The following NKAIN3 variants were observed in gnomAD, a reference collection of about 807,000 sequenced individuals.
The protein encoded by NKAIN3 is sodium/potassium-transporting ATPase subunit beta-1-interacting protein 3.
A neutral mutation model predicts 30.2 loss-of-function variants in NKAIN3; 25 were observed. The ratio of observed to expected loss-of-function variants is 0.83; its 90% CI spans 0.60 to 1.16. The LOEUF (loss-of-function observed/expected upper bound fraction) is 1.16. Ranked by LOEUF, NKAIN3 falls within the 50% of genes most tolerant of loss-of-function variation. NKAIN3 has a pLI of 0.00. For synonymous variants in NKAIN3, 91 were observed against 89.6 expected, an observed-to-expected ratio of 1.02 and a Z score of -0.09; for missense variants, 225 against 254.1, an observed-to-expected ratio of 0.89 and a Z score of 0.78.
intron 4 of NKAIN3, among the ~76,000 whole-genome samples, chr8:62,833,841 C>G (rs572834557): frequency 6.6e-6 from 1 of 152,144 alleles, no homozygotes; most frequent in Admixed American, 6.6e-5. Flanking sequence ...CAGCATTACC[C>G]TGATACCAAA....
intron 3 of NKAIN3, among the ~76,000 whole-genome samples, chr8:62,731,689 C>T (rs900756679): frequency 1.3e-5 from 2 of 152,062 alleles, no homozygotes; most frequent in African/African-American, 4.8e-5. Context: ...CCCCCGAAAC[C>T]GCAAAAGCCA....
At position 62,879,321 on chromosome 8, in the gene NKAIN3, T is replaced by G. The variant is rs371091586; in HGVS notation, c.472-39132T>G. Among the ~76,000 whole-genome samples the G allele has an allele frequency of 2.8e-4, 42 of 152,354 alleles. No homozygotes were observed. The East Asian group carries it at 6.5e-3, about 24-fold the overall frequency. ...TGCATAAATGTCTTCTTTTGAGAAGTGTCTGTTCATATCCTTTGCCCAGTT... is the reference window on the plus strand; with the variant it reads ...TGCATAAATGTCTTCTTTTGAGAAGGGTCTGTTCATATCCTTTGCCCAGTT... On this transcript the variant is annotated intron_variant, in intron 4 of 6. Transcript: ENST00000623646.
intron 1 of NKAIN3, among the ~76,000 whole-genome samples, chr8:62,561,514 A>G (rs1809576794): frequency 6.6e-6 from 1 of 152,152 alleles, no homozygotes; most frequent in South Asian, 2.1e-4. Flanking sequence ...TAAAATATTT[A>G]AGCAATGTAG....
chr8:62,487,933 T>TA (rs748554323), intron 1 of NKAIN3, among the ~76,000 whole-genome samples: 1 of 152,326 alleles, frequency 6.6e-6, no homozygotes. Context: ...ATGTTATCAA[T>TA]AAATGTGAGA....
At chr8:62,431,864 G>GA (rs5891856) in intron 1 of NKAIN3, among the ~76,000 whole-genome samples, 44,314 of 133,144 alleles carry the variant, frequency 0.33, 7,433 homozygotes, top group East Asian at 0.64. Flanking sequence ...TTATAAAAAG[G>GA]AAAAAAAAAA....
At chr8:62,951,312 C>A (rs947189273) in intron 5 of NKAIN3, among the ~76,000 whole-genome samples, 15 of 152,138 alleles carry the variant, frequency 9.9e-5, no homozygotes, top group African/African-American at 3.4e-4. Flanking sequence ...ATAATGATAT[C>A]AGTCTTATAT....
intron 4 of NKAIN3, among the ~76,000 whole-genome samples, chr8:62,845,827 C>A (rs748404573): frequency 2.6e-5 from 4 of 152,026 alleles, no homozygotes; most frequent in Non-Finnish European, 4.4e-5. Flanking sequence ...TCTGACCAAT[C>A]CTTTTTGTTC....
chr8:62,960,652 A>T (rs1823545350), intron 6 of NKAIN3, among the ~76,000 whole-genome samples: 1 of 152,008 alleles, frequency 6.6e-6, no homozygotes, highest in African/African-American at 2.4e-5. Flanking sequence ...TATTGACATC[A>T]AAAAAATTTA....
At chr8:62,762,494 T>A (rs1816698872) in intron 4 of NKAIN3, among the ~76,000 whole-genome samples, 1 of 152,180 alleles carries the variant, frequency 6.6e-6, no homozygotes, top group Non-Finnish European at 1.5e-5. Flanking sequence ...TTAAAGAAGA[T>A]GTGACACACA....
chr8:62,260,062 A>G (rs1006624085), intron 1 of NKAIN3, among the ~76,000 whole-genome samples: 7 of 152,110 alleles, frequency 4.6e-5, no homozygotes, highest in Non-Finnish European at 1.0e-4. Flanking sequence ...TCCTTTATTA[A>G]CAAGAAGTAT....
intron 4 of NKAIN3, among the ~76,000 whole-genome samples, chr8:62,780,546 T>C (rs1400268567): frequency 1.3e-5 from 2 of 152,092 alleles, no homozygotes; most frequent in Non-Finnish European, 2.9e-5. Context: ...AGCAAAATAC[T>C]AGCAAACCGA....
chr8:62,312,820 T>C (rs1814489737), intron 1 of NKAIN3, among the ~76,000 whole-genome samples: 1 of 89,112 alleles, frequency 1.1e-5, no homozygotes. Flanking sequence ...GTGAACCTTG[T>C]CTCAAAAAAA....
chr8:62,529,442 T>G (rs1359768833), intron 1 of NKAIN3, among the ~76,000 whole-genome samples: 1 of 152,040 alleles, frequency 6.6e-6, no homozygotes, highest in East Asian at 1.9e-4. Context: ...ACAACGAACG[T>G]GATAGTGCTA....
At chr8:62,916,121 TGTG>T (rs1822094395) in intron 4 of NKAIN3, among the ~76,000 whole-genome samples, 1 of 151,882 alleles carries the variant, frequency 6.6e-6, no homozygotes, top group Non-Finnish European at 1.5e-5. Flanking sequence ...AAACCAATAA[TGTG>T]TAAAAAATAG....
chr8:62,487,868 G>A (rs549961945), intron 1 of NKAIN3, among the ~76,000 whole-genome samples: 1 of 152,272 alleles, frequency 6.6e-6, no homozygotes, highest in African/African-American at 2.4e-5. Context: ...TGCAAGTAGA[G>A]TTTGGGGTAG....
At chr8:62,371,623 G>C (rs2129593301) in intron 1 of NKAIN3, among the ~76,000 whole-genome samples, 1 of 151,612 alleles carries the variant, frequency 6.6e-6, no homozygotes, top group South Asian at 2.1e-4. Flanking sequence ...TTAATTCTGG[G>C]TTTCTGTTTT....
intron 1 of NKAIN3, among the ~76,000 whole-genome samples, chr8:62,407,721 G>A (rs895341846): frequency 6.6e-6 from 1 of 152,140 alleles, no homozygotes; most frequent in Admixed American, 6.5e-5. Flanking sequence ...GTGAGCCCCC[G>A]TGCCCAGCCT....
intron 4 of NKAIN3, among the ~76,000 whole-genome samples, chr8:62,835,178 A>G (rs917404490): frequency 8.5e-5 from 13 of 152,074 alleles, no homozygotes; most frequent in African/African-American, 2.9e-4. Flanking sequence ...CTGAAAATGG[A>G]TTAAATATCT....
chr8:62,356,598 T>C (rs1816366110), intron 1 of NKAIN3, among the ~76,000 whole-genome samples: 1 of 152,196 alleles, frequency 6.6e-6, no homozygotes, highest in Non-Finnish European at 1.5e-5. Flanking sequence ...GGTCCTCTTA[T>C]CCTAACTATT....
Sources: gnomAD v4.1 joint callset for allele counts (sites outside exome capture counted in the v4.1 genomes callset) on GRCh38, gnomAD v4.1.1 for gene constraint, MANE v1.5 for transcripts, NCBI Gene and HGNC (gene_info 2026-07-23, HGNC 2026-07-21) for gene names.